The following TBPL2 variants were observed in gnomAD, a reference collection of about 807,000 sequenced individuals.
The protein encoded by TBPL2 is TATA box-binding protein-like 2.
TBPL2 carries 40 observed loss-of-function variants against 38.2 expected under a neutral mutation model. The observed-to-expected ratio is 1.05, with a 90% CI of 0.81 to 1.36. The LOEUF (loss-of-function observed/expected upper bound fraction) is 1.36, where lower values mean the gene tolerates loss of function less well. Ranked by LOEUF, TBPL2 falls within the 40% of genes most tolerant of loss-of-function variation. TBPL2 has a pLI of 0.00. For missense variants in TBPL2, 461 were observed against 456.7 expected, an observed-to-expected ratio of 1.01 and a Z score of -0.09; for synonymous variants, 169 against 171.7, an observed-to-expected ratio of 0.98 and a Z score of 0.12.
chr14:55,414,799 ACTT>A (rs1327251643), intron 6 of TBPL2, among the ~76,000 whole-genome samples: 4 of 152,222 alleles, frequency 2.6e-5, no homozygotes, highest in African/African-American at 7.2e-5. Flanking sequence ...AGCAAAAGGG[ACTT>A]CTTTTGATCC....
chr14:55,426,801 G>T (rs374124413), intron 5 of TBPL2, among the ~76,000 whole-genome samples: 1 of 152,318 alleles, frequency 6.6e-6, no homozygotes, highest in Admixed American at 6.5e-5. Context: ...GGCCCACTCC[G>T]TCTGATGTAT....
At chr14:55,426,138 G>A (rs909888422) in intron 5 of TBPL2, among the ~76,000 whole-genome samples, 1 of 151,848 alleles carries the variant, frequency 6.6e-6, no homozygotes, top group Non-Finnish European at 1.5e-5. Flanking sequence ...GTGGTGGTGG[G>A]TGCCTATAAT....
chr14:55,431,482 C>CA (rs1387310948), intron 4 of TBPL2, among the ~76,000 whole-genome samples: 1 of 152,208 alleles, frequency 6.6e-6, no homozygotes, highest in African/African-American at 2.4e-5. Context: ...ATGGCTAATA[C>CA]AATTTTACTT....
intron 4 of TBPL2, among the ~76,000 whole-genome samples, chr14:55,429,242 T>G (rs1271437262): frequency 6.6e-6 from 1 of 152,248 alleles, no homozygotes; most frequent in African/African-American, 2.4e-5. Context: ...TACTTTTACT[T>G]GGGTGTTATT....
chr14:55,436,783 C>G, exon 2 of TBPL2: 1 of 1,614,224 alleles, frequency 6.2e-7, no homozygotes, highest in South Asian at 1.1e-5. Context: ...ACTTTGTGGA[C>G]TTTGGCTTTC....
exon 1 of TBPL2, chr14:55,440,400 G>A (rs975274037): frequency 1.2e-6 from 2 of 1,613,048 alleles, no homozygotes; most frequent in Non-Finnish European, 1.7e-6. Flanking sequence ...CCTCACCTGA[G>A]CGGCGCACTG....
At chr14:55,417,528 ACTGCAACCT>A (rs1885686735) in intron 6 of TBPL2, among the ~76,000 whole-genome samples, 1 of 148,094 alleles carries the variant, frequency 6.8e-6, no homozygotes, top group Non-Finnish European at 1.5e-5. Context: ...ATCTCAGCTC[ACTGCAACCT>A]CTGCCTCCTG....
intron 6 of TBPL2, among the ~76,000 whole-genome samples, chr14:55,420,778 G>T (rs1885729910): frequency 6.6e-6 from 1 of 152,088 alleles, no homozygotes; most frequent in African/African-American, 2.4e-5. Flanking sequence ...GAAATTTGGG[G>T]GTTGGGTGCG....
rs139763103 is a variant in TBPL2, at chr14:55,424,800, T to C, written c.957-547A>G. On this transcript the variant is annotated intron_variant, in intron 5 of 6. Transcript: ENST00000247219. ...ATTCAGGATTTGTTGCTATAAATAG[T>C]AACTCATATTTACTACTAAATATAA... Among the ~76,000 whole-genome samples, 15 of 152,312 alleles carry C rather than the reference T, an allele frequency of 9.8e-5. No individual in the cohort carries two copies. In the East Asian group the frequency reaches 1.4e-3, roughly 14 times the overall value.
chr14:55,415,030 C>T (rs1885647769), intron 6 of TBPL2, among the ~76,000 whole-genome samples: 1 of 152,156 alleles, frequency 6.6e-6, no homozygotes, highest in Non-Finnish European at 1.5e-5. Flanking sequence ...GTAGGAATTA[C>T]AGGGATAAAA....
intron 2 of TBPL2, 35 bp from the exon 3 acceptor site, chr14:55,435,969 G>T: frequency 4.3e-6 from 5 of 1,172,496 alleles, no homozygotes; most frequent in Non-Finnish European, 4.8e-6. Context: ...ACTTATATCA[G>T]ATATAAAGAG....
chr14:55,433,837 C>A (rs1399875483), intron 3 of TBPL2, 116 bp from the exon 4 acceptor site: 3 of 843,338 alleles, frequency 3.6e-6, no homozygotes, highest in Non-Finnish European at 3.6e-6. Flanking sequence ...AACTAAATGT[C>A]TGGGTCTTTT....
intron 5 of TBPL2, among the ~76,000 whole-genome samples, chr14:55,427,433 G>GAAAGGAAAGCT (rs1885842898): frequency 6.6e-6 from 1 of 152,180 alleles, no homozygotes; most frequent in Admixed American, 6.5e-5. Flanking sequence ...GATCATATCT[G>GAAAGGAAAGCT]AAAGGAAAGC....
chr14:55,433,178 G>C (rs1413829812), intron 4 of TBPL2, among the ~76,000 whole-genome samples: 2 of 151,984 alleles, frequency 1.3e-5, no homozygotes, highest in Admixed American at 6.6e-5. Context: ...ACTCAGACTG[G>C]ACTGCAGTGG....
intron 1 of TBPL2, among the ~76,000 whole-genome samples, chr14:55,439,617 C>CCCCCCCCCGG (rs762700151): frequency 1.4e-5 from 1 of 72,628 alleles, no homozygotes. Flanking sequence ...AAAGCAAACC[C>CCCCCCCCCGG]CCCCCCGTCT....
At chr14:55,414,588 T>G in intron 6 of TBPL2, 133 bp from the exon 7 acceptor site, 1 of 636,716 alleles carries the variant, frequency 1.6e-6, no homozygotes, top group South Asian at 2.6e-5. Flanking sequence ...AGAAATGGCA[T>G]TTATTCCGGG....
At chr14:55,431,531 TCCCTG>T (rs1273002467) in intron 4 of TBPL2, among the ~76,000 whole-genome samples, 10 of 152,344 alleles carry the variant, frequency 6.6e-5, no homozygotes, top group African/African-American at 2.4e-4. Context: ...AATTAGGTTT[TCCCTG>T]TTCTATTGCT....
At chr14:55,440,218 G>C (rs1164864685) in intron 1 of TBPL2, among the ~76,000 whole-genome samples, 178 bp downstream of exon 1, 1 of 152,194 alleles carries the variant, frequency 6.6e-6, no homozygotes, top group Admixed American at 6.5e-5. Flanking sequence ...GCTCTGTTTG[G>C]CAACCTTGGT....
chr14:55,422,564 T>C (rs867733402), intron 6 of TBPL2, among the ~76,000 whole-genome samples: 20 of 152,224 alleles, frequency 1.3e-4, no homozygotes, highest in African/African-American at 4.8e-4. Flanking sequence ...ATAGCAACTT[T>C]CTGTAGGTGG....
Sources: allele counts gnomAD v4.1 joint callset (sites outside exome capture counted in the v4.1 genomes callset), GRCh38; gene constraint gnomAD v4.1.1; transcripts MANE v1.5; gene names NCBI Gene and HGNC (gene_info 2026-07-23, HGNC 2026-07-21).